ROBO1: variants seen among roughly 807,000 people sequenced by gnomAD.
The protein encoded by ROBO1 is roundabout guidance receptor 1, also known as roundabout homolog 1.
Under a neutral mutation model 195.9 loss-of-function variants are expected in ROBO1, and 149 were observed. The ratio of observed to expected loss-of-function variants is 0.76; its 90% confidence interval spans 0.67 to 0.87. The LOEUF (loss-of-function observed/expected upper bound fraction) is 0.87, where lower values mean the gene tolerates loss of function less well. Ranked by LOEUF, ROBO1 falls within the 40% of genes least tolerant of loss-of-function variation. ROBO1 has a pLI of 0.00. For missense variants in ROBO1, 1,933 were observed against 2,068.3 expected (o/e 0.93, Z 1.27); for synonymous variants, 816 against 733.2 (o/e 1.11, Z -1.82).
At chr3:78,805,161 C>A (rs1202441497) in intron 4 of ROBO1, among the ~76,000 whole-genome samples, 1 of 152,010 alleles carries the variant, frequency 6.6e-6, no homozygotes, top group Non-Finnish European at 1.5e-5. Context: ...GTCTGTCTGC[C>A]CAATTAATAC....
intron 3 of ROBO1, among the ~76,000 whole-genome samples, chr3:79,045,968 AAT>A (rs1308103151): frequency 6.6e-6 from 1 of 152,090 alleles, no homozygotes; most frequent in Admixed American, 6.6e-5. Flanking sequence ...TTCCATTATG[AAT>A]GTAGGTTATT....
intron 2 of ROBO1, among the ~76,000 whole-genome samples, chr3:79,539,661 A>G (rs1941993834): frequency 6.6e-6 from 1 of 152,086 alleles, no homozygotes; most frequent in Admixed American, 6.6e-5. Context: ...GTTTAGAAAA[A>G]CAATTAAAAA....
intron 4 of ROBO1, among the ~76,000 whole-genome samples, chr3:78,756,207 A>C (rs1266579447): frequency 1.3e-5 from 2 of 152,162 alleles, no homozygotes; most frequent in African/African-American, 4.8e-5. Context: ...GTAAAAACAA[A>C]ACAAAACAAA....
chr3:79,645,922 A>G (rs896552622), intron 1 of ROBO1, among the ~76,000 whole-genome samples: 2 of 152,088 alleles, frequency 1.3e-5, no homozygotes, highest in Admixed American at 1.3e-4. Context: ...CCTCTACAAA[A>G]CTCAACTCAA....
rs979796493 is a variant in ROBO1, at chr3:79,725,390, C to A, written c.-51+42362G>T. On this transcript the variant is annotated intron_variant, in intron 1 of 30. Transcript: ENST00000464233. The stretch of plus-strand genomic sequence containing the variant: ...TACAGGCGCCCGCCACCACGCCCGG[C>A]TAATTTTTTGTATTTTTAGTAGAGA... Among the ~76,000 whole-genome samples, 7 of 151,866 alleles carry A rather than the reference C, an allele frequency of 4.6e-5. No homozygotes were observed. In the East Asian group the frequency reaches 7.8e-4, roughly 17 times the overall value.
chr3:79,676,548 T>G (rs945190687), intron 1 of ROBO1, among the ~76,000 whole-genome samples: 2 of 151,992 alleles, frequency 1.3e-5, no homozygotes, highest in African/African-American at 4.8e-5. Context: ...AGAACTCTGG[T>G]TTCTTAAGAG....
At chr3:79,103,087 A>C (rs948944448) in intron 3 of ROBO1, among the ~76,000 whole-genome samples, 1 of 151,840 alleles carries the variant, frequency 6.6e-6, no homozygotes, top group African/African-American at 2.4e-5. Flanking sequence ...TTGTGAAACC[A>C]ATACATGTGT....
intron 4 of ROBO1, among the ~76,000 whole-genome samples, chr3:78,748,808 C>T (rs1195324186): frequency 6.6e-6 from 1 of 152,094 alleles, no homozygotes; most frequent in East Asian, 1.9e-4. Context: ...TATTTGGAAA[C>T]TACTGCTTCA....
chr3:78,829,094 A>G (rs1422295742), intron 4 of ROBO1, among the ~76,000 whole-genome samples: 1 of 152,178 alleles, frequency 6.6e-6, no homozygotes, highest in African/African-American at 2.4e-5. Context: ...AAAGATCTGA[A>G]TATTCTAGTG....
intron 2 of ROBO1, among the ~76,000 whole-genome samples, chr3:79,558,415 A>G (rs577173484): frequency 7.9e-5 from 12 of 152,356 alleles, no homozygotes; most frequent in African/African-American, 2.9e-4. Context: ...TTGTAAGAAT[A>G]CAGTGTATAA....
At chr3:79,725,468 C>T (rs1000874473) in intron 1 of ROBO1, among the ~76,000 whole-genome samples, 3 of 152,060 alleles carry the variant, frequency 2.0e-5, no homozygotes, top group Admixed American at 6.5e-5. Context: ...CCTCGTGATC[C>T]GCCCGCCTCG....
At chr3:78,753,888 A>AT (rs531509445) in intron 4 of ROBO1, among the ~76,000 whole-genome samples, 111 of 152,308 alleles carry the variant, frequency 7.3e-4, no homozygotes, top group African/African-American at 2.5e-3. Flanking sequence ...GTATGTTTGC[A>AT]TTTTATACAC....
At chr3:78,616,139 T>C (rs1170373774) in intron 27 of ROBO1, among the ~76,000 whole-genome samples, 1 of 152,182 alleles carries the variant, frequency 6.6e-6, no homozygotes, top group Non-Finnish European at 1.5e-5. Context: ...GCTATAAGGT[T>C]GTTTACAGAT....
At chr3:79,367,933 G>C (rs2036037860) in intron 2 of ROBO1, among the ~76,000 whole-genome samples, 1 of 152,062 alleles carries the variant, frequency 6.6e-6, no homozygotes, top group Non-Finnish European at 1.5e-5. Flanking sequence ...ATGAATAATA[G>C]GTAGGTTTTT....
chr3:79,238,879 T>G (rs1279709960), intron 2 of ROBO1, among the ~76,000 whole-genome samples: 2 of 152,250 alleles, frequency 1.3e-5, no homozygotes, highest in Non-Finnish European at 2.9e-5. Flanking sequence ...CAATCCCAAT[T>G]GTCTTTTTGC....
intron 3 of ROBO1, among the ~76,000 whole-genome samples, chr3:79,056,303 G>C (rs1002554611): frequency 1.3e-5 from 2 of 151,958 alleles, no homozygotes; most frequent in Non-Finnish European, 2.9e-5. Flanking sequence ...TCACCAGTTC[G>C]AGCCCAATTT....
At chr3:79,589,020 TACAG>T (rs1291834177) in intron 2 of ROBO1, among the ~76,000 whole-genome samples, 1 of 151,598 alleles carries the variant, frequency 6.6e-6, no homozygotes, top group Non-Finnish European at 1.5e-5. Flanking sequence ...ATAACATAAA[TACAG>T]ACAAAGTTTC....
chr3:79,710,509 TAAAC>T (rs1436309328), intron 1 of ROBO1, among the ~76,000 whole-genome samples: 10 of 152,138 alleles, frequency 6.6e-5, no homozygotes, highest in African/African-American at 2.4e-4. Flanking sequence ...TTTATGCAGA[TAAAC>T]AAAATGTGCA....
intron 3 of ROBO1, among the ~76,000 whole-genome samples, chr3:79,098,038 C>G (rs889715856): frequency 1.1e-4 from 16 of 151,654 alleles, no homozygotes; most frequent in East Asian, 3.9e-4. Flanking sequence ...AGTTACTCAT[C>G]ATAGAGAAGT....
Sources: allele counts gnomAD v4.1 joint callset (sites outside exome capture counted in the v4.1 genomes callset), GRCh38; gene constraint gnomAD v4.1.1; transcripts MANE v1.5; gene names NCBI Gene and HGNC (gene_info 2026-07-23, HGNC 2026-07-21).